INPP4B: variants seen among roughly 807,000 people sequenced by gnomAD.
The protein encoded by INPP4B is inositol polyphosphate 4-phosphatase type II.
INPP4B carries 55 observed loss-of-function variants against 122.5 expected under a neutral mutation model. The ratio of observed to expected loss-of-function variants is 0.45; its 90% CI spans 0.36 to 0.56. INPP4B has a LOEUF of 0.56. INPP4B is among the 20% of genes least tolerant of loss of function. The probability of loss-of-function intolerance (pLI) is 0.00; values close to 1 mark genes in which losing one functional copy is unlikely to be tolerated. For synonymous variants in INPP4B, 403 were observed against 388.7 expected, an observed-to-expected ratio of 1.04 and a Z score of -0.43; for missense variants, 1,000 against 1,097.7, an observed-to-expected ratio of 0.91 and a Z score of 1.26.
intron 1 of INPP4B, among the ~76,000 whole-genome samples, chr4:142,728,709 C>T (rs975265488): frequency 6.6e-6 from 1 of 152,092 alleles, no homozygotes; most frequent in Non-Finnish European, 1.5e-5. Context: ...CTGCCAGCAA[C>T]ATCAGAAACT....
chr4:142,451,872 AG>A (rs1474596803), intron 3 of INPP4B, among the ~76,000 whole-genome samples: 1 of 152,190 alleles, frequency 6.6e-6, no homozygotes, highest in African/African-American at 2.4e-5. Context: ...AATTAGGATA[AG>A]AGTAATGTAT....
At chr4:142,065,181 AAG>A (rs1399078019) in intron 25 of INPP4B, among the ~76,000 whole-genome samples, 8 of 152,134 alleles carry the variant, frequency 5.3e-5, no homozygotes, top group African/African-American at 1.9e-4. Flanking sequence ...AAAAGTGAGA[AAG>A]AAACAGTAAG....
At chr4:142,352,682 A>T (rs1782305651) in intron 7 of INPP4B, among the ~76,000 whole-genome samples, 1 of 151,824 alleles carries the variant, frequency 6.6e-6, no homozygotes, top group Admixed American at 6.6e-5. Flanking sequence ...AAACCCTTCC[A>T]CCTCTCTAAT....
intron 12 of INPP4B, among the ~76,000 whole-genome samples, chr4:142,234,235 AACTTTTTT>A (rs1195559015): frequency 6.6e-6 from 1 of 152,120 alleles, no homozygotes; most frequent in Non-Finnish European, 1.5e-5. Flanking sequence ...CATCCATTTG[AACTTTTTT>A]ACACCTTTCT....
chr4:142,046,078 T>C (rs1280358324), intron 25 of INPP4B, among the ~76,000 whole-genome samples: 4 of 145,318 alleles, frequency 2.8e-5, no homozygotes, highest in Non-Finnish European at 6.2e-5. Flanking sequence ...AATAAAAAAA[T>C]GTGTAAACCA....
At chr4:142,558,793 TAAAAAAAAAAAAAAAAA>T (rs34151070) in intron 2 of INPP4B, among the ~76,000 whole-genome samples, 4 of 75,542 alleles carry the variant, frequency 5.3e-5, no homozygotes, top group Admixed American at 1.5e-4. Context: ...AGACTCCCTC[TAAAAAAAAAAAAAAAAA>T]AAAAAAAAAA....
chr4:142,257,464 T>C (rs2150330876), intron 11 of INPP4B, among the ~76,000 whole-genome samples: 1 of 152,300 alleles, frequency 6.6e-6, no homozygotes, highest in Non-Finnish European at 1.5e-5. Flanking sequence ...CCCCATGGTC[T>C]CAGCCCAAAA....
chr4:142,420,819 A>G (rs1472139654), intron 5 of INPP4B, among the ~76,000 whole-genome samples: 1 of 152,170 alleles, frequency 6.6e-6, no homozygotes, highest in Non-Finnish European at 1.5e-5. Context: ...CCTTGTGCTT[A>G]GAAGGTGTTC....
intron 17 of INPP4B, among the ~76,000 whole-genome samples, chr4:142,158,391 G>A (rs984523857): frequency 3.3e-5 from 5 of 152,056 alleles, no homozygotes; most frequent in African/African-American, 7.2e-5. Context: ...GAGGGCCAAC[G>A]TTGTTCACCT....
intron 1 of INPP4B, among the ~76,000 whole-genome samples, chr4:142,748,564 T>C (rs1400879523): frequency 2.0e-5 from 3 of 151,900 alleles, no homozygotes; most frequent in Admixed American, 2.0e-4. Flanking sequence ...ATTCTACAGA[T>C]ATTAAATGGA....
At chr4:142,355,761 T>A (rs1160872047) in intron 7 of INPP4B, among the ~76,000 whole-genome samples, 1 of 151,976 alleles carries the variant, frequency 6.6e-6, no homozygotes, top group Non-Finnish European at 1.5e-5. Flanking sequence ...GCAGTGTTAA[T>A]CATGCAAACT....
At chr4:142,812,325 C>T (rs1392609805) in intron 1 of INPP4B, among the ~76,000 whole-genome samples, 2 of 152,178 alleles carry the variant, frequency 1.3e-5, no homozygotes, top group Non-Finnish European at 2.9e-5. Flanking sequence ...ACACTCCTCT[C>T]ATAGCTGTGG....
At chr4:142,404,403 G>A (rs773497225) in intron 6 of INPP4B, among the ~76,000 whole-genome samples, 2 of 152,170 alleles carry the variant, frequency 1.3e-5, no homozygotes, top group African/African-American at 2.4e-5. Flanking sequence ...ATCTTAAGAA[G>A]TGTAGATTAT....
At chr4:142,492,011 C>T (rs1580200411) in intron 2 of INPP4B, among the ~76,000 whole-genome samples, 1 of 152,046 alleles carries the variant, frequency 6.6e-6, no homozygotes, top group Non-Finnish European at 1.5e-5. Context: ...TTGGGAGGGA[C>T]CTGGTGGGAG....
chr4:142,679,911 T>A (rs1326522352), intron 2 of INPP4B, among the ~76,000 whole-genome samples: 1 of 151,506 alleles, frequency 6.6e-6, no homozygotes, highest in Non-Finnish European at 1.5e-5. Flanking sequence ...AAAAAAAAAA[T>A]AGATACCCTA....
rs1580535709 is a variant in INPP4B at position 142,624,481 on chromosome 4, T to G, written c.-191+101358A>C. Among the ~76,000 whole-genome samples the G allele has an allele frequency of 2.0e-5, 3 of 151,954 alleles. No individual in the cohort carries two copies. In the East Asian group the frequency reaches 5.8e-4, roughly 29 times the overall value. On this transcript the variant is annotated intron_variant, in intron 2 of 25. Transcript: ENST00000262992. The stretch of plus-strand genomic sequence containing the variant: ...TGCTGGATATTAGCCCTTTGTCAGA[T>G]GAGTAGGTTGTGAAAATTTTCTCAA...
intron 7 of INPP4B, among the ~76,000 whole-genome samples, chr4:142,362,976 C>A (rs929806527): frequency 6.6e-6 from 1 of 151,988 alleles, no homozygotes; most frequent in Non-Finnish European, 1.5e-5. Context: ...ACATGTACCC[C>A]CTAAATCAAA....
chr4:142,502,492 T>A (rs1458663112), intron 2 of INPP4B, among the ~76,000 whole-genome samples: 1 of 152,144 alleles, frequency 6.6e-6, no homozygotes. Context: ...GCCTTTATTA[T>A]TTATTTATTT....
intron 1 of INPP4B, among the ~76,000 whole-genome samples, chr4:142,782,382 T>C (rs1301558229): frequency 1.3e-5 from 2 of 151,068 alleles, no homozygotes; most frequent in East Asian, 1.9e-4. Context: ...CAGTCTATCA[T>C]TGTTGGACAT....
Sources: allele counts gnomAD v4.1 joint callset (sites outside exome capture counted in the v4.1 genomes callset), GRCh38; gene constraint gnomAD v4.1.1; transcripts MANE v1.5; gene names NCBI Gene and HGNC (gene_info 2026-07-23, HGNC 2026-07-21).